XKR6: variants seen among roughly 807,000 people sequenced by gnomAD.
XKR6 encodes the protein XK related 6.
Under a neutral mutation model 56.7 loss-of-function variants are expected in XKR6, and 22 were observed. The observed-to-expected ratio is 0.39, with a 90% CI of 0.28 to 0.55. The LOEUF is 0.55. XKR6 is among the 20% of genes least tolerant of loss of function. The pLI is 0.66. For missense variants in XKR6, 852 were observed against 889.0 expected (o/e 0.96, Z 0.53); for synonymous variants, 524 against 387.8 (o/e 1.35, Z -4.13).
chr8:11,132,235 T>C lies in XKR6; in HGVS notation c.764+68341A>G, dbSNP rs145786805. ...TCTTTGAGACAAGTTATCCTCAAGA[T>C]CAAAGTGAATGCATCACAGTCACAG... On this transcript the variant is annotated intron_variant, in intron 1 of 2. Coordinates refer to ENST00000416569, the MANE Select transcript of XKR6 (RefSeq NM_173683.4). 1.6e-4 allele frequency among the ~76,000 whole-genome samples: 24 copies of C among 152,282 alleles called. No homozygotes were observed. In the East Asian group the frequency reaches 4.4e-3, roughly 28 times the overall value.
chr8:11,004,350 C>T lies in XKR6; in HGVS notation c.765-79520G>A, dbSNP rs114780620. On this transcript the variant is annotated intron_variant, in intron 1 of 2. Transcript: ENST00000416569. Reference sequence around the variant, plus strand: ...AACCGGGCATGTTGGCGCACACCTGCAATACCAGCTACTTAAGAGGCTGAG... The same window carrying T: ...AACCGGGCATGTTGGCGCACACCTGTAATACCAGCTACTTAAGAGGCTGAG... Among the ~76,000 whole-genome samples the T allele has an allele frequency of 7.5e-3, 1,140 of 152,178 alleles. 12 individuals carry two copies. Among genetic ancestry groups the T allele is most frequent in the African/African-American group, 0.026 (1,099 of 41,516 alleles).
At chr8:11,008,214 T>C (rs1219711899) in intron 1 of XKR6, among the ~76,000 whole-genome samples, 2 of 152,130 alleles carry the variant, frequency 1.3e-5, no homozygotes, top group Non-Finnish European at 2.9e-5. Flanking sequence ...CTAGCTTGTC[T>C]TCCCCAATCC....
At chr8:11,170,667 G>A (rs539698449) in intron 1 of XKR6, among the ~76,000 whole-genome samples, 5 of 152,290 alleles carry the variant, frequency 3.3e-5, no homozygotes, top group South Asian at 4.1e-4. Flanking sequence ...AAAAACAATC[G>A]CACAATCTAA....
rs139167755 is a variant in XKR6, at chr8:11,030,760, C to A, written c.765-105930G>T. On this transcript the variant is annotated intron_variant, in intron 1 of 2. Transcript: ENST00000416569. ...CTGCCAGCCAGCCAGCCAGTCTCTC[C>A]TAGGCGTGGAGGGTGGGAATGGTAT... Among the ~76,000 whole-genome samples, 1,222 of 152,240 alleles carry A rather than the reference C, an allele frequency of 8.0e-3. 14 individuals are homozygous for A. Among genetic ancestry groups the A allele is most frequent in the African/African-American group, 0.028 (1,146 of 41,548 alleles).
intron 1 of XKR6, among the ~76,000 whole-genome samples, chr8:10,968,973 C>A (rs1186462590): frequency 6.6e-6 from 1 of 152,128 alleles, no homozygotes; most frequent in Non-Finnish European, 1.5e-5. Context: ...CTATTTTCCA[C>A]CTAAAAGTTA....
intron 1 of XKR6, among the ~76,000 whole-genome samples, chr8:11,134,469 G>C (rs532218832): frequency 6.6e-6 from 1 of 152,164 alleles, no homozygotes; most frequent in Non-Finnish European, 1.5e-5. Context: ...CACTGCACAA[G>C]TTACAATTCT....
intron 2 of XKR6, among the ~76,000 whole-genome samples, chr8:10,904,496 G>A (rs1056628811): frequency 2.4e-4 from 37 of 152,310 alleles, no homozygotes; most frequent in African/African-American, 7.0e-4. Context: ...AAAGCAACAC[G>A]TGTGGATATG....
chr8:11,156,137 A>G (rs1029290040), intron 1 of XKR6, among the ~76,000 whole-genome samples: 8 of 152,056 alleles, frequency 5.3e-5, no homozygotes, highest in African/African-American at 1.9e-4. Flanking sequence ...TGCCTCTCTA[A>G]TTTTACATCC....
Position 11,062,852 on chromosome 8 carries a change from A to C in XKR6, c.764+137724T>G, listed in dbSNP as rs577013632. ...GTGGCCGTGCGCCTGAGTTCTAGCC[A>C]ATGGGAGGTGAGTGGAAGTGGGTGT... is the stretch of plus-strand genomic sequence containing the variant. On this transcript the variant is annotated intron_variant, in intron 1 of 2. Transcript: ENST00000416569. 1.5e-3 allele frequency: 674 copies of C among 456,186 alleles called. 3 individuals carry two copies. The highest frequency in any genetic ancestry group is 0.01 in the South Asian group (650 of 64,554). 28.3% of individuals were successfully genotyped at this position (456,186 alleles called of 1,614,324 possible).
chr8:11,194,023 G>A (rs553897708), intron 1 of XKR6, among the ~76,000 whole-genome samples: 4 of 152,104 alleles, frequency 2.6e-5, no homozygotes, highest in African/African-American at 7.2e-5. Flanking sequence ...CTATACATAG[G>A]TGACACAAAA....
At chr8:11,191,615 G>A (rs1307313004) in intron 1 of XKR6, among the ~76,000 whole-genome samples, 2 of 149,212 alleles carry the variant, frequency 1.3e-5, no homozygotes, top group East Asian at 2.0e-4. Context: ...GAGTGCAAAC[G>A]ACACCTGCAA....
chr8:11,196,846 A>G (rs1803917308), intron 1 of XKR6, among the ~76,000 whole-genome samples: 1 of 152,230 alleles, frequency 6.6e-6, no homozygotes, highest in Admixed American at 6.5e-5. Context: ...CTCTTGTAAA[A>G]TAGTCAACAT....
intron 1 of XKR6, among the ~76,000 whole-genome samples, chr8:11,136,646 C>G (rs1485980789): frequency 3.3e-5 from 5 of 152,042 alleles, no homozygotes; most frequent in Non-Finnish European, 7.4e-5. Flanking sequence ...TCAGTAGAGA[C>G]AAGAGGGATG....
chr8:10,961,281 C>T (rs111352178), intron 1 of XKR6, among the ~76,000 whole-genome samples: 2,803 of 152,284 alleles, frequency 0.018, 76 homozygotes, highest in African/African-American at 0.059. Context: ...CCAGCCGGGA[C>T]GCTGGAGGCC....
intron 1 of XKR6, among the ~76,000 whole-genome samples, chr8:10,967,984 C>T (rs1314049141): frequency 1.3e-5 from 2 of 152,134 alleles, no homozygotes; most frequent in East Asian, 3.9e-4. Flanking sequence ...ACCTCGGCCC[C>T]TCAGCCCTCA....
At chr8:10,951,483 C>T (rs1399781499) in intron 1 of XKR6, among the ~76,000 whole-genome samples, 1 of 152,226 alleles carries the variant, frequency 6.6e-6, no homozygotes, top group Non-Finnish European at 1.5e-5. Flanking sequence ...TCGGGAAGAA[C>T]TTGGTTTTAG....
intron 1 of XKR6, among the ~76,000 whole-genome samples, chr8:11,109,902 A>G (rs999147057): frequency 2.0e-5 from 3 of 152,238 alleles, no homozygotes; most frequent in Admixed American, 6.5e-5. Flanking sequence ...GAAAATGACT[A>G]AACAGCCAAT....
At chr8:11,030,607 C>T (rs1798970381) in intron 1 of XKR6, among the ~76,000 whole-genome samples, 1 of 152,190 alleles carries the variant, frequency 6.6e-6, no homozygotes, top group African/African-American at 2.4e-5. Context: ...CCCTTACAAC[C>T]TCAGGTCCCA....
At chr8:10,912,000 T>TAG (rs1197177343) in intron 2 of XKR6, among the ~76,000 whole-genome samples, 6 of 149,466 alleles carry the variant, frequency 4.0e-5, no homozygotes, top group African/African-American at 7.4e-5. Context: ...AATATATATA[T>TAG]ATATAGAGAG....
Sources: gnomAD v4.1 joint callset for allele counts (sites outside exome capture counted in the v4.1 genomes callset) on GRCh38, gnomAD v4.1.1 for gene constraint, MANE v1.5 for transcripts, NCBI Gene and HGNC (gene_info 2026-07-23, HGNC 2026-07-21) for gene names.